The following SPATA13 variants were observed in gnomAD, a reference collection of about 807,000 sequenced individuals.
The protein encoded by SPATA13 is spermatogenesis associated 13.
SPATA13 carries 50 observed loss-of-function variants against 104.0 expected under a neutral mutation model. The observed-to-expected ratio is 0.48, with a 90% CI of 0.38 to 0.61. The LOEUF (loss-of-function observed/expected upper bound fraction) is 0.61. Ranked by LOEUF, SPATA13 falls within the 20% of genes least tolerant of loss-of-function variation. The pLI is 0.00. For missense variants in SPATA13, 1,524 were observed against 1,690.6 expected, an observed-to-expected ratio of 0.90 and a Z score of 1.73; for synonymous variants, 606 against 667.5, an observed-to-expected ratio of 0.91 and a Z score of 1.42.
chr13:24,064,194 C>T (rs1183523071), intron 3 of SPATA13, among the ~76,000 whole-genome samples: 5 of 152,154 alleles, frequency 3.3e-5, no homozygotes, highest in African/African-American at 9.7e-5. Context: ...TCACTTAATG[C>T]GTTCTAAAGC....
intron 2 of SPATA13, among the ~76,000 whole-genome samples, chr13:24,232,740 G>T (rs1451028878): frequency 1.3e-5 from 2 of 152,126 alleles, no homozygotes; most frequent in African/African-American, 4.8e-5. Context: ...GTAGAGGTGG[G>T]GTTTTGCCAT....
intron 3 of SPATA13, among the ~76,000 whole-genome samples, chr13:24,106,220 G>GACAAAC (rs1880446924): frequency 1.3e-5 from 2 of 152,092 alleles, no homozygotes; most frequent in South Asian, 4.2e-4. Context: ...GTTTTGTACA[G>GACAAAC]ACAGGGCTTC....
intron 3 of SPATA13, among the ~76,000 whole-genome samples, chr13:24,102,722 C>T (rs1293976006): frequency 6.6e-6 from 1 of 152,208 alleles, no homozygotes; most frequent in African/African-American, 2.4e-5. Flanking sequence ...GATCCACCCA[C>T]CTCAGCCTCC....
intron 4 of SPATA13, among the ~76,000 whole-genome samples, chr13:24,279,969 T>G (rs1875375686): frequency 6.6e-6 from 1 of 152,228 alleles, no homozygotes; most frequent in Admixed American, 6.5e-5. Flanking sequence ...CAGTTGCTGT[T>G]GAAACCTCTC....
intron 3 of SPATA13, among the ~76,000 whole-genome samples, chr13:24,052,682 A>T (rs1306977048): frequency 1.3e-5 from 2 of 151,836 alleles, no homozygotes; most frequent in Admixed American, 1.3e-4. Context: ...GACACAGTAG[A>T]GTGTGTCTAA....
chr13:24,185,402 T>C (rs1373382738), intron 1 of SPATA13, among the ~76,000 whole-genome samples: 1 of 152,188 alleles, frequency 6.6e-6, no homozygotes, highest in African/African-American at 2.4e-5. Context: ...TGTAATTTAT[T>C]CTTAAGCTAT....
chr13:24,024,519 C>A (rs1291320524), intron 3 of SPATA13, among the ~76,000 whole-genome samples: 3 of 151,846 alleles, frequency 2.0e-5, no homozygotes, highest in Non-Finnish European at 4.4e-5. Context: ...TGTTAGAAAC[C>A]CTCTCCCTCT....
intron 3 of SPATA13, among the ~76,000 whole-genome samples, chr13:24,131,430 C>T (rs1188640384): frequency 6.6e-6 from 1 of 152,180 alleles, no homozygotes; most frequent in East Asian, 1.9e-4. Context: ...CTGACCTGGG[C>T]ACTGAAGCGC....
rs1184705453 is a variant in SPATA13, at chr13:24,205,999, A to G, written c.-111-16820A>G. 6.6e-6 allele frequency among the ~76,000 whole-genome samples: 1 copy of G among 152,244 alleles called. No homozygotes were observed. The highest frequency in any genetic ancestry group is 1.5e-5 in the Non-Finnish European group (1 of 68,048). ...CCTAGAAGAAAATCTAGGCAATACCATTCAGGGCATAGGAATGAGCAAAGA... is the reference window on the plus strand; with the variant it reads ...CCTAGAAGAAAATCTAGGCAATACCGTTCAGGGCATAGGAATGAGCAAAGA... On this transcript the variant is annotated intron_variant, in intron 1 of 12. Coordinates refer to ENST00000382108, the MANE Select transcript of SPATA13 (RefSeq NM_001166271.3). The surrounding 1 kb of genome is among the most constrained non-coding windows in gnomAD (Gnocchi z 4.1).
chr13:24,075,630 C>T (rs1267789988), intron 3 of SPATA13, among the ~76,000 whole-genome samples: 3 of 152,134 alleles, frequency 2.0e-5, no homozygotes, highest in African/African-American at 4.8e-5. Flanking sequence ...GTTATGACAA[C>T]GTTGCTTATC....
chr13:23,986,644 GGT>G (rs1875159441), intron 2 of SPATA13, among the ~76,000 whole-genome samples: 1 of 152,166 alleles, frequency 6.6e-6, no homozygotes, highest in South Asian at 2.1e-4. Flanking sequence ...AATGTTTAGA[GGT>G]GTGGATTTCT....
chr13:24,276,597 G>C (rs1351595788), intron 4 of SPATA13, among the ~76,000 whole-genome samples: 2 of 152,108 alleles, frequency 1.3e-5, no homozygotes, highest in African/African-American at 4.8e-5. Context: ...TGACACTGCT[G>C]AACTGGAACT....
chr13:24,200,867 G>T (rs779125975), intron 1 of SPATA13, among the ~76,000 whole-genome samples: 4 of 151,770 alleles, frequency 2.6e-5, no homozygotes, highest in African/African-American at 7.3e-5. Flanking sequence ...AAAATACACA[G>T]TTTCACGTAA....
chr13:24,245,588 T>TTC (rs1489206527), intron 2 of SPATA13, among the ~76,000 whole-genome samples: 25 of 93,826 alleles, frequency 2.7e-4, no homozygotes, highest in Non-Finnish European at 5.2e-4. Context: ...TTGTTTCTTT[T>TTC]TTTTTTTTTT....
intron 1 of SPATA13, among the ~76,000 whole-genome samples, chr13:24,171,667 G>C (rs976238725): frequency 2.0e-5 from 3 of 152,176 alleles, no homozygotes; most frequent in African/African-American, 7.2e-5. Context: ...TCAGTGGTGA[G>C]GTTTGGCTAT....
chr13:24,060,870 C>A (rs1878747659), intron 3 of SPATA13, among the ~76,000 whole-genome samples: 1 of 152,164 alleles, frequency 6.6e-6, no homozygotes, highest in South Asian at 2.1e-4. Context: ...AAAACCCCGC[C>A]TCTACTAAAA....
chr13:24,150,476 C>T (rs998368738), intron 3 of SPATA13, among the ~76,000 whole-genome samples: 2 of 152,154 alleles, frequency 1.3e-5, no homozygotes, highest in Non-Finnish European at 1.5e-5. Flanking sequence ...TCTAACTTCC[C>T]ATCCATCCTG....
intron 3 of SPATA13, among the ~76,000 whole-genome samples, chr13:24,154,361 C>G (rs1355387016): frequency 6.6e-6 from 1 of 152,042 alleles, no homozygotes; most frequent in African/African-American, 2.4e-5. Context: ...AAAAAATGAA[C>G]AAGTGTTACA....
rs1396696502 is a variant in SPATA13 at position 24,136,938 on chromosome 13, T to C, written c.-111-85881T>C. On this transcript the variant is annotated intron_variant, in intron 3 of 14. Coordinates refer to the SPATA13 transcript ENST00000424834. ...TCCGCCTCCCAGGTTCACGCCATTC[T>C]CCTGCCTCAGCCTCCCGAGTAGCTG... 2.9e-5 allele frequency among the ~76,000 whole-genome samples: 2 copies of C among 69,618 alleles called. 1 individual carries two copies. Among genetic ancestry groups the C allele is most frequent in the Non-Finnish European group, 6.2e-5 (2 of 32,028 alleles). The allele number at this position is 69,618 out of a possible 152,430, so 45.7% of individuals were successfully genotyped here.
Sources: gnomAD v4.1 joint callset for allele counts (sites outside exome capture counted in the v4.1 genomes callset) on GRCh38, gnomAD v4.1.1 for gene constraint, Gnocchi (gnomAD v3.1) non-coding constraint, MANE v1.5 for transcripts, NCBI Gene and HGNC (gene_info 2026-07-23, HGNC 2026-07-21) for gene names.